The following PROS1 variants were observed in gnomAD, a reference collection of about 807,000 sequenced individuals.
The protein encoded by PROS1 is vitamin K-dependent protein S.
In PROS1, 29 loss-of-function variants were observed where a neutral mutation model predicts 75.9. The observed-to-expected ratio is 0.38, with a 90% CI of 0.28 to 0.52. The LOEUF (loss-of-function observed/expected upper bound fraction) is 0.52. Among genes scored for constraint, PROS1 ranks in the 20% least tolerant of loss-of-function variants. PROS1 has a pLI of 0.83. For synonymous variants in PROS1, 245 were observed against 280.6 expected (o/e 0.87, Z 1.27); for missense variants, 680 against 810.3 (o/e 0.84, Z 1.95).
chr3:93,959,918 T>A (rs1000922394), intron 1 of PROS1, among the ~76,000 whole-genome samples: 10 of 152,252 alleles, frequency 6.6e-5, no homozygotes, highest in African/African-American at 2.4e-4. Flanking sequence ...AACTACCAGC[T>A]GGTGTGTTAG....
At chr3:93,958,860 CCT>C (rs1553819872) in intron 1 of PROS1, 2 of 152,432 alleles carry the variant, frequency 1.3e-5, no homozygotes, top group Non-Finnish European at 2.9e-5. Context: ...TCCAGTTATA[CCT>C]CTTTCTTTGG....
chr3:93,954,937 A>G (rs1709572720), intron 1 of PROS1, among the ~76,000 whole-genome samples: 1 of 152,264 alleles, frequency 6.6e-6, no homozygotes, highest in Non-Finnish European at 1.5e-5. Flanking sequence ...GAAACTTCTC[A>G]AAAGAAGACA....
At chr3:93,949,441 A>G (rs1709457976) in intron 1 of PROS1, among the ~76,000 whole-genome samples, 1 of 152,234 alleles carries the variant, frequency 6.6e-6, no homozygotes, top group Non-Finnish European at 1.5e-5. Context: ...AAAATTGAAA[A>G]GAAAAATACA....
Position 93,905,838 on chromosome 3 carries a change from G to A in PROS1, c.547C>T (p.His183Tyr). 6.2e-7 allele frequency: 1 copy of A among 1,612,448 alleles called. No homozygotes were observed. Among genetic ancestry groups the A allele is most frequent in the Non-Finnish European group, 8.5e-7 (1 of 1,178,658 alleles). ...QICDNTPGSY[H>Y]CSCKNGFVML... ...ACAAAACCATTTTTACAGGAACAGT[G>A]GTAACTTCCAGGTGTATTATCACAA... Residue 183 changes from histidine to tyrosine, a missense_variant, in exon 6 of 15, where the codon CAC becomes TAC. His to Tyr is a moderately conservative substitution (Grantham distance 83, BLOSUM62 2). Transcript: ENST00000394236.
intron 12 of PROS1, among the ~76,000 whole-genome samples, chr3:93,883,827 G>A (rs1336828415): frequency 6.6e-6 from 1 of 152,066 alleles, no homozygotes; most frequent in Non-Finnish European, 1.5e-5. Flanking sequence ...GCGGGCGCCT[G>A]TAGTTCTAGC....
chr3:93,957,196 A>G (rs1709617046), intron 1 of PROS1, among the ~76,000 whole-genome samples: 1 of 152,192 alleles, frequency 6.6e-6, no homozygotes, highest in Admixed American at 6.5e-5. Flanking sequence ...TACTGATACA[A>G]AAACAATCAT....
intron 1 of PROS1, among the ~76,000 whole-genome samples, chr3:93,952,950 C>A (rs1709530658): frequency 6.6e-6 from 1 of 152,156 alleles, no homozygotes; most frequent in South Asian, 2.1e-4. Flanking sequence ...ACTATAAACA[C>A]CTCAATGCAA....
intron 1 of PROS1, among the ~76,000 whole-genome samples, chr3:93,945,598 A>G (rs956145515): frequency 6.6e-6 from 1 of 152,244 alleles, no homozygotes; most frequent in African/African-American, 2.4e-5. Flanking sequence ...GGCCTTCAGC[A>G]AAATTCAACA....
At chr3:93,966,760 C>T (rs1160094752) in intron 1 of PROS1, among the ~76,000 whole-genome samples, 2 of 151,354 alleles carry the variant, frequency 1.3e-5, no homozygotes, top group Non-Finnish European at 2.9e-5. Context: ...TGCCTGTAGT[C>T]CCAGCCACTC....
chr3:93,888,631 T>A (rs1708385022), intron 10 of PROS1, among the ~76,000 whole-genome samples: 1 of 152,194 alleles, frequency 6.6e-6, no homozygotes, highest in Non-Finnish European at 1.5e-5. Flanking sequence ...TTCAAAAATT[T>A]TAATTGAAGG....
At chr3:93,902,356 T>C (rs982504193) in intron 6 of PROS1, among the ~76,000 whole-genome samples, 44 of 152,264 alleles carry the variant, frequency 2.9e-4, no homozygotes, top group Admixed American at 1.3e-3. Context: ...TAAGTGTATT[T>C]GGTTTGAGGC....
chr3:93,926,785 TC>T (rs1434241345), intron 2 of PROS1, among the ~76,000 whole-genome samples: 4 of 152,246 alleles, frequency 2.6e-5, no homozygotes, highest in Admixed American at 2.6e-4. Context: ...ACTATCAAAT[TC>T]TGGTTAGAAG....
chr3:93,971,339 G>C (rs916369229), intron 1 of PROS1, among the ~76,000 whole-genome samples: 1 of 147,306 alleles, frequency 6.8e-6, no homozygotes, highest in African/African-American at 2.5e-5. Flanking sequence ...CTGGGCAACA[G>C]AGCAAGACTC....
At chr3:93,907,677 A>T (rs1708697868) in intron 4 of PROS1, among the ~76,000 whole-genome samples, 1 of 152,224 alleles carries the variant, frequency 6.6e-6, no homozygotes, top group Non-Finnish European at 1.5e-5. Context: ...GAACTCAGGC[A>T]AAGGCACCAC....
At chr3:93,969,079 C>T (rs1158640935) in intron 1 of PROS1, among the ~76,000 whole-genome samples, 2 of 151,710 alleles carry the variant, frequency 1.3e-5, no homozygotes, top group Non-Finnish European at 2.9e-5. Context: ...AAAACCATTA[C>T]CTGTATTCCC....
chr3:93,889,556 A>C (rs1290877027), intron 10 of PROS1, among the ~76,000 whole-genome samples: 2 of 152,216 alleles, frequency 1.3e-5, no homozygotes, highest in Non-Finnish European at 2.9e-5. Context: ...CCAAAGAAGC[A>C]TCAGCTACTT....
chr3:93,956,533 T>TACACAC (rs758070649), intron 1 of PROS1, among the ~76,000 whole-genome samples: 14 of 113,260 alleles, frequency 1.2e-4, no homozygotes, highest in African/African-American at 2.4e-4. Flanking sequence ...TCTCTCTCTC[T>TACACAC]ACACACACAC....
chr3:93,966,987 A>C (rs1709801305), intron 1 of PROS1, among the ~76,000 whole-genome samples: 2 of 152,150 alleles, frequency 1.3e-5, no homozygotes, highest in Admixed American at 6.6e-5. Context: ...CCAAACACAG[A>C]AGTTTATAGG....
At chr3:93,898,300 G>A (rs1013440752) in intron 8 of PROS1, 148 bp downstream of exon 8, 2 of 887,684 alleles carry the variant, frequency 2.3e-6, no homozygotes, top group African/African-American at 3.4e-5. Flanking sequence ...ACCATAATTA[G>A]TAAATAATCA....
Sources: gnomAD v4.1 joint callset for allele counts (sites outside exome capture counted in the v4.1 genomes callset) on GRCh38, gnomAD v4.1.1 for gene constraint, MANE v1.5 for transcripts, NCBI Gene and HGNC (gene_info 2026-07-23, HGNC 2026-07-21) for gene names.